NLRP2: variants seen among roughly 807,000 people sequenced by gnomAD.
NLRP2 encodes the protein NLR family pyrin domain containing 2, also known as NACHT, LRR and PYD domains-containing protein 2.
Under a neutral mutation model 97.2 loss-of-function variants are expected in NLRP2, and 107 were observed. That is an observed-to-expected ratio of 1.10 (90% CI 0.94 to 1.29). The LOEUF (loss-of-function observed/expected upper bound fraction) is 1.29. Among genes scored for constraint, NLRP2 ranks in the 50% most tolerant of loss-of-function variants. NLRP2 has a pLI of 0.00. For missense variants in NLRP2, 1,495 were observed against 1,330.3 expected (o/e 1.12, Z -1.93); for synonymous variants, 663 against 551.5 (o/e 1.20, Z -2.83).
chr19:54,973,716 G>A, intron 2 of NLRP2: 2 of 417,394 alleles, frequency 4.8e-6, no homozygotes, highest in East Asian at 6.2e-5. Flanking sequence ...TTACAAGTTT[G>A]AAAACGGCAG....
rs770315454 is a variant in NLRP2 at position 54,983,417 on chromosome 19, T to C, written c.1719T>C (p.Phe573=). Reference sequence around the variant, plus strand: ...GAGCCAAGGAGTTGGAGGCCACTTTTGGCTGCCGGATGTCACCGGACATCA... The same window carrying C: ...GAGCCAAGGAGTTGGAGGCCACTTTCGGCTGCCGGATGTCACCGGACATCA... ...EKRAKELEAT[F]GCRMSPDIKQ... is the part of the protein sequence containing the mutation. Residue 573 remains phenylalanine, a synonymous_variant, in exon 6 of 13, where the codon TTT becomes TTC. Coordinates refer to ENST00000448584, the MANE Select transcript of NLRP2 (RefSeq NM_017852.5). The C allele has an allele frequency of 1.9e-6, 3 of 1,614,204 alleles. No individual in the cohort carries two copies. Among genetic ancestry groups the C allele is most frequent in the African/African-American group, 1.3e-5 (1 of 75,064 alleles).
intron 10 of NLRP2, 72 bp downstream of exon 10, chr19:54,990,744 G>A (rs1311212707): frequency 7.3e-6 from 11 of 1,498,388 alleles, no homozygotes; most frequent in African/African-American, 1.4e-5. Context: ...TTTGAGTAGG[G>A]TGGTTATGAG....
chr19:54,990,512 T>G lies in NLRP2; in HGVS notation c.2548T>G (p.Cys850Gly), dbSNP rs1240754844. The stretch of plus-strand genomic sequence containing the variant: ...GTGATTCTTTTGTAGGTTGGAAAAC[T>G]GTCACCTTACAGAAGCCAATTGCAA... ...CFLQRLSLEN[C>G]HLTEANCKDL... is the part of the protein sequence containing the mutation. The change falls in exon 10 of 13, where the codon TGT becomes GGT. Residue 850 changes from cysteine (C) to glycine (G), a missense_variant. Transcript: ENST00000448584. 4.3e-6 allele frequency: 7 copies of G among 1,614,146 alleles called. No individual in the cohort carries two copies. The highest frequency in any genetic ancestry group is 5.9e-6 in the Non-Finnish European group (7 of 1,179,998).
At chr19:54,992,519 GGT>G (rs2072542587) in intron 10 of NLRP2, among the ~76,000 whole-genome samples, 1 of 133,754 alleles carries the variant, frequency 7.5e-6, no homozygotes, top group African/African-American at 3.0e-5. Flanking sequence ...TGTGGTGTGT[GGT>G]GTGTGTGGTA....
rs779156698 is a variant in NLRP2, at chr19:54,981,652, G to A, written c.433G>A (p.Gly145Ser). The A allele has an allele frequency of 6.3e-7, 1 of 1,597,204 alleles. No homozygotes were observed. Among genetic ancestry groups the A allele is most frequent in the Non-Finnish European group, 8.6e-7 (1 of 1,164,830 alleles). Residue 145 changes from glycine to serine, a missense_variant, in exon 5 of 13, where the codon GGT becomes AGT. By Grantham distance (56) the Gly-to-Ser change is moderately conservative. Transcript: ENST00000448584. ...TETKGNVICL[G>S]KEVFKGKKPD... is the part of the protein sequence containing the mutation. ...AACGAAAGGAAATGTCATCTGCCTG[G>A]GTAAAGAAGTCTTTAAAGGAAAAAA...
At chr19:54,972,788 A>C (rs1306563315) in intron 2 of NLRP2, among the ~76,000 whole-genome samples, 3 of 152,108 alleles carry the variant, frequency 2.0e-5, no homozygotes, top group Admixed American at 2.0e-4. Flanking sequence ...TAACCAAGAT[A>C]TAGAGTCAGT....
chr19:54,974,064 AG>A, intron 2 of NLRP2: 2 of 1,060,030 alleles, frequency 1.9e-6, no homozygotes, highest in Non-Finnish European at 2.9e-6. Flanking sequence ...GGCTATTAAA[AG>A]ATACAAGCAG....
At chr19:54,990,823 G>A (rs1261751716) in intron 10 of NLRP2, 151 bp downstream of exon 10, 3 of 764,776 alleles carry the variant, frequency 3.9e-6, no homozygotes, top group South Asian at 1.5e-5. Context: ...GGTAGATGAT[G>A]GTAGGAAAAA....
chr19:54,996,128 G>T (rs773239586), intron 11 of NLRP2, among the ~76,000 whole-genome samples: 1 of 151,608 alleles, frequency 6.6e-6, no homozygotes, highest in Non-Finnish European at 1.5e-5. Context: ...TTGCTGGTTG[G>T]CCCAGGAGGT....
intron 11 of NLRP2, among the ~76,000 whole-genome samples, chr19:54,996,964 A>G (rs1007447570): frequency 1.4e-4 from 22 of 151,990 alleles, no homozygotes; most frequent in Admixed American, 6.6e-4. Flanking sequence ...CTGGAGTGCA[A>G]TGGCGCGATC....
At chr19:54,988,592 C>T (rs746901526) in intron 8 of NLRP2, among the ~76,000 whole-genome samples, 5 of 152,078 alleles carry the variant, frequency 3.3e-5, no homozygotes, top group African/African-American at 4.8e-5. Flanking sequence ...GGGGTTTCAC[C>T]GTGTTGGCTG....
At chr19:54,992,679 G>C (rs959978016) in intron 10 of NLRP2, among the ~76,000 whole-genome samples, 1 of 147,462 alleles carries the variant, frequency 6.8e-6, no homozygotes, top group Admixed American at 7.0e-5. Flanking sequence ...TGATTCTCCT[G>C]CCTCAGCCTC....
rs111994583 is a variant in NLRP2 at position 54,994,759 on chromosome 19, C to T, written c.2879+320C>T. Among the ~76,000 whole-genome samples, 904 of 151,568 alleles carry T rather than the reference C, an allele frequency of 6.0e-3. 1 individual carries two copies. The highest frequency in any genetic ancestry group is 0.015 in the African/African-American group (603 of 41,360). On this transcript the variant is annotated intron_variant, in intron 11 of 12. Transcript: ENST00000448584. ...CCGAGTAGCTGGGATTACAGGCGCC[C>T]GCCACCATGCCCAGCTAATTCTTGT...
intron 4 of NLRP2, among the ~76,000 whole-genome samples, chr19:54,979,211 C>A (rs1303672353): frequency 6.6e-6 from 1 of 152,074 alleles, no homozygotes; most frequent in Non-Finnish European, 1.5e-5. Context: ...TCTAGAACTC[C>A]TGACCTCAAG....
chr19:54,980,962 T>A (rs1371204372), intron 4 of NLRP2, among the ~76,000 whole-genome samples: 1 of 152,056 alleles, frequency 6.6e-6, no homozygotes, highest in Non-Finnish European at 1.5e-5. Context: ...ATACAAAAAT[T>A]AGCCTAGACG....
chr19:54,975,137 T>C (rs2071136975), intron 3 of NLRP2, among the ~76,000 whole-genome samples: 1 of 53,104 alleles, frequency 1.9e-5, no homozygotes, highest in African/African-American at 1.1e-4. Flanking sequence ...TTTTTTTTTT[T>C]TTTTTTGAAA....
Position 54,982,809 on chromosome 19 carries a change from C to A in NLRP2, c.1111C>A (p.His371Asn), listed in dbSNP as rs1194491371. The A allele has an allele frequency of 6.2e-7, 1 of 1,613,934 alleles. No individual in the cohort carries two copies. The highest frequency in any genetic ancestry group is 1.7e-5 in the Admixed American group (1 of 60,008). The change falls in exon 6 of 13, where the codon CAC becomes AAC. Residue 371 changes from histidine to asparagine, a missense_variant. His to Asn is a moderately conservative substitution (Grantham distance 68). Transcript: ENST00000448584. ...GGACAGGAGGGCCTATTTCCTGAGA[C>A]ACTTTGGAGACGAGGACCAAGCCAT... ...EEDRRAYFLR[H>N]FGDEDQAMRA...
At chr19:54,987,826 A>G (rs1417580428) in intron 8 of NLRP2, among the ~76,000 whole-genome samples, 1 of 151,904 alleles carries the variant, frequency 6.6e-6, no homozygotes, top group Non-Finnish European at 1.5e-5. Flanking sequence ...GTGGATCACA[A>G]GGTCAGGAGT....
rs768447900 is a variant in NLRP2 at position 55,000,790 on chromosome 19, C to T, written c.3081C>T (p.Leu1027=). ...RLKIDDFNDE[L]NKLLEEIEEK... ...AAATCGATGACTTTAATGATGAACT[C>T]AATAAGCTGCTGGAAGAAATAGAAG... Residue 1027 remains leucine, a synonymous_variant, in exon 13 of 13, where the codon CTC becomes CTT. Coordinates refer to ENST00000448584, the MANE Select transcript of NLRP2 (RefSeq NM_017852.5). 3.1e-6 allele frequency: 5 copies of T among 1,613,414 alleles called. No homozygotes were observed. The highest frequency in any genetic ancestry group is 1.3e-5 in the African/African-American group (1 of 74,820).
Sources: allele counts gnomAD v4.1 joint callset (sites outside exome capture counted in the v4.1 genomes callset), GRCh38; gene constraint gnomAD v4.1.1; transcripts MANE v1.5; gene names NCBI Gene and HGNC (gene_info 2026-07-23, HGNC 2026-07-21).